Variants in MYO3A observed in about 807,000 individuals in gnomAD.
The protein encoded by MYO3A is myosin IIIA.
MYO3A carries 180 observed loss-of-function variants against 192.7 expected under a neutral mutation model. The observed-to-expected ratio is 0.93, with a 90% CI of 0.83 to 1.06. MYO3A has a LOEUF of 1.06. Among genes scored for constraint, MYO3A ranks in the 50% least tolerant of loss-of-function variants. The pLI, the probability that MYO3A is intolerant of heterozygous loss-of-function variation, is 0.00. For synonymous variants in MYO3A, 628 were observed against 645.3 expected, an observed-to-expected ratio of 0.97 and a Z score of 0.41; for missense variants, 1,896 against 1,905.0, an observed-to-expected ratio of 1.00 and a Z score of 0.09.
At chr10:26,170,669 A>G in intron 29 of MYO3A, 130 bp downstream of exon 29, 1 of 975,096 alleles carries the variant, frequency 1.0e-6, no homozygotes, top group South Asian at 1.6e-5. Context: ...ATGTCAGTGA[A>G]CACCCAGAGG....
intron 17 of MYO3A, among the ~76,000 whole-genome samples, chr10:26,100,154 G>A (rs1213942141): frequency 6.6e-6 from 1 of 152,142 alleles, no homozygotes; most frequent in East Asian, 1.9e-4. Flanking sequence ...TATGTGTCCA[G>A]GAATTTATCC....
chr10:26,100,134 T>C (rs539802832), intron 17 of MYO3A, among the ~76,000 whole-genome samples: 53 of 152,342 alleles, frequency 3.5e-4, no homozygotes, highest in African/African-American at 1.3e-3. Flanking sequence ...GGTTTAGTCT[T>C]GGGAGGGTGT....
At chr10:25,963,033 A>G (rs1838038614) in intron 4 of MYO3A, among the ~76,000 whole-genome samples, 1 of 152,118 alleles carries the variant, frequency 6.6e-6, no homozygotes, top group Admixed American at 6.5e-5. Context: ...CTCATAATCC[A>G]ATCTTAGCTA....
chr10:26,026,441 A>G lies in MYO3A; in HGVS notation c.862A>G (p.Thr288Ala). 1 of 1,614,166 alleles carries G rather than the reference A, an allele frequency of 6.2e-7. No individual in the cohort carries two copies. Among genetic ancestry groups the G allele is most frequent in the Non-Finnish European group, 8.5e-7 (1 of 1,179,998 alleles). ...VSELLQHKFI[T>A]QIEGKDVMLQ... The stretch of plus-strand genomic sequence containing the variant: ...AGAACTTTTACAGCATAAATTCATT[A>G]CTCAAATTGAGGGCAAAGATGTGAT... The change falls in exon 10 of 35, where the codon ACT (threonine) becomes GCT (alanine). Residue 288 changes from threonine to alanine, a missense_variant. Transcript: ENST00000642920.
At chr10:26,125,256 G>T in intron 18 of MYO3A, 142 bp from the exon 19 acceptor site, 1 of 805,934 alleles carries the variant, frequency 1.2e-6, no homozygotes, top group East Asian at 2.7e-5. Flanking sequence ...ACTCATGTTG[G>T]ATAGTATCAT....
At chr10:26,111,309 G>T (rs546433384) in intron 17 of MYO3A, among the ~76,000 whole-genome samples, 1 of 152,254 alleles carries the variant, frequency 6.6e-6, no homozygotes, top group Non-Finnish European at 1.5e-5. Context: ...TGAGCTAGGG[G>T]CACACTCCAA....
At chr10:25,959,658 C>T (rs1317440415) in intron 4 of MYO3A, among the ~76,000 whole-genome samples, 1 of 152,076 alleles carries the variant, frequency 6.6e-6, no homozygotes, top group Non-Finnish European at 1.5e-5. Flanking sequence ...CCTTGGCCTC[C>T]TCTTTTCAAG....
chr10:26,108,087 G>A (rs1337990337), intron 17 of MYO3A, among the ~76,000 whole-genome samples: 1 of 152,078 alleles, frequency 6.6e-6, no homozygotes, highest in Admixed American at 6.6e-5. Flanking sequence ...TTGTAACAAA[G>A]TATCGTGTTT....
chr10:26,121,308 T>A (rs1351117420), intron 18 of MYO3A, among the ~76,000 whole-genome samples: 2 of 152,078 alleles, frequency 1.3e-5, no homozygotes, highest in Non-Finnish European at 2.9e-5. Context: ...TTTGATAAAT[T>A]ATTTCCAGTA....
At chr10:26,013,767 G>A (rs11014908) in intron 6 of MYO3A, among the ~76,000 whole-genome samples, 14,375 of 152,062 alleles carry the variant, frequency 0.095, 1,202 homozygotes, top group African/African-American at 0.21. Context: ...CAATTCCACT[G>A]CTGGATATCT....
intron 4 of MYO3A, among the ~76,000 whole-genome samples, chr10:25,955,570 A>C (rs564039031): frequency 1.3e-5 from 2 of 152,280 alleles, no homozygotes; most frequent in Admixed American, 1.3e-4. Flanking sequence ...TCCTGAGAGT[A>C]GTTTTTCTTA....
chr10:26,145,329 G>A, intron 21 of MYO3A, 117 bp from the exon 22 acceptor site: 2 of 704,862 alleles, frequency 2.8e-6, no homozygotes, highest in Non-Finnish European at 5.2e-6. Context: ...GCATATATTA[G>A]CTATGTAAAA....
chr10:26,089,531 G>A (rs1192123804), intron 15 of MYO3A, among the ~76,000 whole-genome samples: 4 of 151,792 alleles, frequency 2.6e-5, no homozygotes, highest in Non-Finnish European at 5.9e-5. Context: ...AACCCAGGAG[G>A]CGGAGCTGGC....
intron 3 of MYO3A, 64 bp downstream of exon 3, chr10:25,952,342 T>C: frequency 6.8e-7 from 1 of 1,478,250 alleles, no homozygotes. Context: ...TTAAAAAGAC[T>C]GTATTTTATC....
intron 2 of MYO3A, among the ~76,000 whole-genome samples, chr10:25,939,671 G>C (rs530314276): frequency 6.6e-6 from 1 of 151,794 alleles, no homozygotes; most frequent in East Asian, 1.9e-4. Flanking sequence ...GCAATCATAC[G>C]TGCTCAGAGA....
chr10:26,164,320 G>A (rs1352233445), intron 26 of MYO3A, among the ~76,000 whole-genome samples: 1 of 152,112 alleles, frequency 6.6e-6, no homozygotes, highest in Non-Finnish European at 1.5e-5. Flanking sequence ...AAATGAGATT[G>A]AAAATATACA....
intron 6 of MYO3A, among the ~76,000 whole-genome samples, chr10:26,005,586 G>A (rs1841143924): frequency 6.6e-6 from 1 of 152,070 alleles, no homozygotes; most frequent in Non-Finnish European, 1.5e-5. Flanking sequence ...TAGGAGTGAA[G>A]GGGCATTATG....
At chr10:26,030,498 G>A (rs769110764) in intron 10 of MYO3A, among the ~76,000 whole-genome samples, 4 of 152,168 alleles carry the variant, frequency 2.6e-5, no homozygotes, top group Non-Finnish European at 5.9e-5. Flanking sequence ...GTCCCAAAGT[G>A]TGAGACATAC....
chr10:26,033,601 T>C (rs564396085), intron 10 of MYO3A, among the ~76,000 whole-genome samples: 139 of 152,354 alleles, frequency 9.1e-4, no homozygotes, highest in African/African-American at 3.2e-3. Flanking sequence ...TTGAGGCCAT[T>C]GTATAAAGGT....
Sources: gnomAD v4.1 joint callset for allele counts (sites outside exome capture counted in the v4.1 genomes callset) on GRCh38, gnomAD v4.1.1 for gene constraint, MANE v1.5 for transcripts, NCBI Gene and HGNC (gene_info 2026-07-23, HGNC 2026-07-21) for gene names.